The following FGF14 variants were observed in gnomAD, a reference collection of about 807,000 sequenced individuals.
FGF14 encodes the protein fibroblast growth factor homologous factor 4.
A neutral mutation model predicts 25.5 loss-of-function variants in FGF14; 5 were observed. The ratio of observed to expected loss-of-function variants is 0.20; its 90% CI spans 0.10 to 0.41. FGF14 has a LOEUF of 0.41. Ranked by LOEUF, FGF14 falls within the 10% of genes least tolerant of loss-of-function variation. FGF14 has a pLI of 1.00. For synonymous variants in FGF14, 138 were observed against 118.3 expected (o/e 1.17, Z -1.08); for missense variants, 222 against 320.1 (o/e 0.69, Z 2.34).
At chr13:102,003,519 T>C (rs1298888573) in intron 1 of FGF14, among the ~76,000 whole-genome samples, 5 of 152,206 alleles carry the variant, frequency 3.3e-5, no homozygotes, top group African/African-American at 1.2e-4. Context: ...AATACAATGC[T>C]AAGCTGAGGG....
rs1555369339 is a variant in FGF14, at chr13:102,161,565, T to TG, written c.208+239905dup. 4.7e-3 allele frequency among the ~76,000 whole-genome samples: 463 copies of TG among 97,970 alleles called. 52 individuals are homozygous for TG. Among genetic ancestry groups the TG allele is most frequent in the Middle Eastern group, 0.014 (3 of 208 alleles). The allele number at this position is 97,970 out of a possible 152,430, so 64.3% of individuals were successfully genotyped here. ...TATTCTCTATGCAACCAACTTTCTG[T>TG]GAAGAAAGAAAGAAGAAGAAGAAGA... is the stretch of plus-strand genomic sequence containing the variant. On this transcript the variant is annotated intron_variant, in intron 1 of 4. Coordinates refer to the FGF14 transcript ENST00000376131.
rs2034645542 is a variant in FGF14, at chr13:101,714,937, T to C, written c.*7894A>G. ...AGAATCTGGGTACCACTAGTTGATG[T>C]GTTGGTTGCTTTTAGGGAACTGGAT... On this transcript the variant is annotated 3_prime_UTR_variant, in exon 5 of 5. Coordinates refer to ENST00000376143, the MANE Select transcript of FGF14 (RefSeq NM_004115.4). 5.1e-6 allele frequency: 1 copy of C among 197,934 alleles called. No individual in the cohort carries two copies. Among genetic ancestry groups the C allele is most frequent in the Non-Finnish European group, 1.0e-5 (1 of 97,166 alleles). The allele number at this position is 197,934 out of a possible 1,614,324, so 12.3% of individuals were successfully genotyped here. A position where few individuals can be genotyped will look rare whatever the true frequency, so the allele number is the denominator to read the frequency against.
At chr13:102,058,950 A>AAT (rs2042557119) in intron 1 of FGF14, among the ~76,000 whole-genome samples, 1 of 151,518 alleles carries the variant, frequency 6.6e-6, no homozygotes, top group African/African-American at 2.4e-5. Flanking sequence ...TCTTAACTAA[A>AAT]AAAAAAAAAA....
At chr13:102,253,006 T>C (rs976355686) in intron 1 of FGF14, among the ~76,000 whole-genome samples, 1 of 152,206 alleles carries the variant, frequency 6.6e-6, no homozygotes, top group African/African-American at 2.4e-5. Flanking sequence ...AACTCATCAT[T>C]TTTTATGGCT....
chr13:102,026,504 T>C (rs904121085), intron 1 of FGF14, among the ~76,000 whole-genome samples: 5 of 151,998 alleles, frequency 3.3e-5, no homozygotes, highest in African/African-American at 7.2e-5. Flanking sequence ...TTGAACACAT[T>C]AAGTAGAATT....
intron 1 of FGF14, among the ~76,000 whole-genome samples, chr13:102,255,653 G>A (rs1331441502): frequency 1.3e-5 from 2 of 152,194 alleles, no homozygotes; most frequent in East Asian, 1.9e-4. Context: ...CTGTGAGTAA[G>A]TAATTATCTC....
intron 1 of FGF14, among the ~76,000 whole-genome samples, chr13:102,000,433 G>A (rs1296636867): frequency 6.6e-6 from 1 of 152,202 alleles, no homozygotes; most frequent in Non-Finnish European, 1.5e-5. Flanking sequence ...GCAAATATCT[G>A]TAAAGAGGCT....
At chr13:102,142,009 C>T (rs1228022037) in intron 1 of FGF14, among the ~76,000 whole-genome samples, 1 of 152,114 alleles carries the variant, frequency 6.6e-6, no homozygotes, top group Non-Finnish European at 1.5e-5. Flanking sequence ...ATAAAGTACA[C>T]ATGCATGAGG....
intron 1 of FGF14, among the ~76,000 whole-genome samples, chr13:102,117,163 T>C (rs2045511310): frequency 6.6e-6 from 1 of 152,238 alleles, no homozygotes; most frequent in African/African-American, 2.4e-5. Flanking sequence ...GTTTCTATAA[T>C]ATTTTTTCTG....
chr13:102,254,451 C>T (rs1051574319), intron 1 of FGF14, among the ~76,000 whole-genome samples: 1 of 152,114 alleles, frequency 6.6e-6, no homozygotes, highest in Non-Finnish European at 1.5e-5. Flanking sequence ...CAGGCGAGTC[C>T]AGGAGCCTCT....
At chr13:102,007,835 A>AT (rs1245257668) in intron 1 of FGF14, among the ~76,000 whole-genome samples, 38 of 152,248 alleles carry the variant, frequency 2.5e-4, no homozygotes, top group African/African-American at 9.2e-4. Context: ...TGAGAAAGCT[A>AT]TAATGAGTTT....
chr13:101,810,037 G>A (rs1308162009), intron 3 of FGF14, among the ~76,000 whole-genome samples: 2 of 152,124 alleles, frequency 1.3e-5, no homozygotes, highest in Admixed American at 1.3e-4. Context: ...TTACAGATTA[G>A]TAGCTTTTAG....
intron 1 of FGF14, among the ~76,000 whole-genome samples, chr13:102,163,990 G>T (rs995782557): frequency 6.6e-6 from 1 of 152,108 alleles, no homozygotes; most frequent in African/African-American, 2.4e-5. Flanking sequence ...TTTACCAAAT[G>T]TCCTCATGTC....
intron 1 of FGF14, among the ~76,000 whole-genome samples, chr13:102,335,341 C>G (rs1594883301): frequency 6.6e-6 from 1 of 152,208 alleles, no homozygotes. Context: ...AGATTTTGGA[C>G]CTCATGGATT....
At chr13:101,845,910 A>G (rs1021429648) in intron 3 of FGF14, among the ~76,000 whole-genome samples, 2 of 152,028 alleles carry the variant, frequency 1.3e-5, no homozygotes, top group African/African-American at 4.8e-5. Flanking sequence ...GCATATAACT[A>G]TAGTCATATG....
intron 1 of FGF14, among the ~76,000 whole-genome samples, chr13:102,169,960 TTTGGCTAGTGGC>T (rs1404342003): frequency 6.6e-6 from 1 of 152,126 alleles, no homozygotes; most frequent in Non-Finnish European, 1.5e-5. Context: ...AATAGCCACA[TTTGGCTAGTGGC>T]TGTGGAATTG....
At chr13:101,968,689 A>AAAAAAAC (rs1420415844) in intron 1 of FGF14, among the ~76,000 whole-genome samples, 6 of 151,636 alleles carry the variant, frequency 4.0e-5, no homozygotes, top group Non-Finnish European at 8.8e-5. Flanking sequence ...AAAAAAAAAA[A>AAAAAAAC]ACCTCAATAT....
chr13:102,144,758 T>G (rs1199940271), intron 1 of FGF14, among the ~76,000 whole-genome samples: 1 of 152,170 alleles, frequency 6.6e-6, no homozygotes, highest in African/African-American at 2.4e-5. Flanking sequence ...AAGAGAAGAC[T>G]GACAGGAGCT....
At chr13:102,161,603 A>AG (rs2047680097) in intron 1 of FGF14, among the ~76,000 whole-genome samples, 1 of 5,148 alleles carries the variant, frequency 1.9e-4, no homozygotes, top group Non-Finnish European at 2.8e-4. Flanking sequence ...AAGAAGAAGA[A>AG]GAAGAAGAAG....
Sources: gnomAD v4.1 joint callset for allele counts (sites outside exome capture counted in the v4.1 genomes callset) on GRCh38, gnomAD v4.1.1 for gene constraint, MANE v1.5 for transcripts, NCBI Gene and HGNC (gene_info 2026-07-23, HGNC 2026-07-21) for gene names.